Variants in GPC6 observed in about 807,000 individuals in gnomAD.
GPC6 encodes glypican 6.
GPC6 carries 14 observed loss-of-function variants against 55.2 expected under a neutral mutation model. That is an observed-to-expected ratio of 0.25 (90% CI 0.17 to 0.40). The LOEUF (loss-of-function observed/expected upper bound fraction) is 0.40, where lower values mean the gene tolerates loss of function less well. Among genes scored for constraint, GPC6 ranks in the 10% least tolerant of loss-of-function variants. The probability of loss-of-function intolerance (pLI) is 1.00; values close to 1 mark genes in which losing one functional copy is unlikely to be tolerated. For missense variants in GPC6, 641 were observed against 708.5 expected, an observed-to-expected ratio of 0.90 and a Z score of 1.08; for synonymous variants, 278 against 259.6, an observed-to-expected ratio of 1.07 and a Z score of -0.68.
intron 1 of GPC6, among the ~76,000 whole-genome samples, chr13:93,324,933 T>G (rs1879601726): frequency 6.6e-6 from 1 of 152,016 alleles, no homozygotes; most frequent in African/African-American, 2.4e-5. Context: ...CAAAAGTGTT[T>G]TTTACTTTTT....
intron 4 of GPC6, among the ~76,000 whole-genome samples, chr13:94,284,649 A>T (rs1892480128): frequency 6.6e-6 from 1 of 151,906 alleles, no homozygotes; most frequent in Non-Finnish European, 1.5e-5. Flanking sequence ...TAATCAGTGC[A>T]TCCATGTTAT....
At chr13:93,999,765 A>G (rs1354251803) in intron 3 of GPC6, among the ~76,000 whole-genome samples, 1 of 152,198 alleles carries the variant, frequency 6.6e-6, no homozygotes, top group Non-Finnish European at 1.5e-5. Flanking sequence ...GATATTTTTA[A>G]TCACCATAAT....
rs570901191 is a variant in GPC6, at chr13:93,715,131, C to G, written c.320-115023C>G. ...GAAACTAGTTCTGCTGAATTTCTAT[C>G]TCAGTACTACCAAAAAGACACATCC... On this transcript the variant is annotated intron_variant, in intron 2 of 8. Coordinates refer to ENST00000377047, the MANE Select transcript of GPC6 (RefSeq NM_005708.5). Among the ~76,000 whole-genome samples the G allele has an allele frequency of 5.3e-5, 8 of 151,630 alleles. No homozygotes were observed. In the East Asian group the frequency reaches 1.6e-3, roughly 30 times the overall value.
At chr13:94,008,995 AT>A (rs1882133721) in intron 3 of GPC6, among the ~76,000 whole-genome samples, 2 of 152,190 alleles carry the variant, frequency 1.3e-5, no homozygotes, top group Non-Finnish European at 1.5e-5. Context: ...TTTCTGTTTA[AT>A]TTCCATGATT....
intron 1 of GPC6, among the ~76,000 whole-genome samples, chr13:93,420,383 T>C (rs78057997): frequency 0.02 from 3,048 of 152,144 alleles, 118 homozygotes; most frequent in African/African-American, 0.069. Context: ...GGGAAGGAGG[T>C]GTCCATGCTG....
chr13:93,569,948 A>G (rs1364342227), intron 2 of GPC6, among the ~76,000 whole-genome samples: 1 of 152,152 alleles, frequency 6.6e-6, no homozygotes, highest in African/African-American at 2.4e-5. Context: ...AGGACTACCC[A>G]TGATATTAAT....
chr13:94,138,779 A>G (rs748527526), intron 4 of GPC6, among the ~76,000 whole-genome samples: 46 of 152,204 alleles, frequency 3.0e-4, no homozygotes, highest in Non-Finnish European at 5.1e-4. Context: ...GCCTGTAACA[A>G]TGACAATAGC....
Position 94,079,377 on chromosome 13 carries a change from A to T in GPC6, c.877+51483A>T, listed in dbSNP as rs147023103. Among the ~76,000 whole-genome samples, 25 of 152,182 alleles carry T rather than the reference A, an allele frequency of 1.6e-4. 1 individual carries two copies. Among genetic ancestry groups the T allele is most frequent in the African/African-American group, 5.3e-4 (22 of 41,554 alleles). ...ACACAGTGATATTTCAGAGATTTTT[A>T]ATAAGATAGTTTGAAGTGTGAGATA... On this transcript the variant is annotated intron_variant, in intron 4 of 8. Coordinates refer to ENST00000377047, the MANE Select transcript of GPC6 (RefSeq NM_005708.5).
chr13:93,454,076 A>C (rs1014622501), intron 1 of GPC6, among the ~76,000 whole-genome samples: 1 of 152,158 alleles, frequency 6.6e-6, no homozygotes, highest in Non-Finnish European at 1.5e-5. Context: ...CAGAGTATCC[A>C]CACAAAGGTT....
intron 2 of GPC6, among the ~76,000 whole-genome samples, chr13:93,764,270 C>A (rs990710216): frequency 9.2e-5 from 14 of 151,906 alleles, no homozygotes; most frequent in Non-Finnish European, 1.9e-4. Context: ...CTACAAAATG[C>A]TACCTTTCAT....
intron 3 of GPC6, among the ~76,000 whole-genome samples, chr13:93,866,484 A>G (rs1220775646): frequency 6.6e-6 from 1 of 151,814 alleles, no homozygotes; most frequent in African/African-American, 2.4e-5. Flanking sequence ...CCCATCAGTG[A>G]TAGACTGAAA....
intron 1 of GPC6, among the ~76,000 whole-genome samples, chr13:93,341,370 G>A (rs1168545712): frequency 6.6e-6 from 1 of 152,194 alleles, no homozygotes; most frequent in Non-Finnish European, 1.5e-5. Context: ...CACCAGCAGT[G>A]TTTAAGTGTT....
chr13:93,917,602 A>G (rs1877355718), intron 3 of GPC6, among the ~76,000 whole-genome samples: 1 of 152,208 alleles, frequency 6.6e-6, no homozygotes, highest in African/African-American at 2.4e-5. Flanking sequence ...TGGAGCAAAG[A>G]GAACCTGAAA....
intron 3 of GPC6, among the ~76,000 whole-genome samples, chr13:93,928,988 G>T (rs1200266969): frequency 6.6e-6 from 1 of 152,052 alleles, no homozygotes. Context: ...ACCTTATCCT[G>T]GGTGTTACCT....
In GPC6 at chr13:94,191,915, A is replaced by C. The variant is rs146310985; in HGVS notation, c.878-94434A>C. 6.6e-5 allele frequency among the ~76,000 whole-genome samples: 10 copies of C among 152,334 alleles called. No individual in the cohort carries two copies. In the East Asian group the frequency reaches 1.9e-3, roughly 29 times the overall value. ...CTAAGTTTCCTGGTGTATAGAGAAG[A>C]AGCTTGTGTGCTGGATTCATATGAA... On this transcript the variant is annotated intron_variant, in intron 4 of 8. Transcript: ENST00000377047.
intron 3 of GPC6, among the ~76,000 whole-genome samples, chr13:93,840,219 G>C (rs996041900): frequency 1.3e-5 from 2 of 152,108 alleles, no homozygotes; most frequent in Non-Finnish European, 2.9e-5. Flanking sequence ...AAGCAAAGAA[G>C]AAAGAAAATC....
intron 5 of GPC6, among the ~76,000 whole-genome samples, chr13:94,288,835 T>TATATAATAAATATATATATATTTGTTAC: frequency 8.8e-6 from 1 of 113,288 alleles, no homozygotes. Context: ...ATATTTGTTA[T>TATATAATAAATATATATATATTTGTTAC]ATATAACAAA....
At chr13:94,328,378 C>T (rs1310656437) in intron 6 of GPC6, among the ~76,000 whole-genome samples, 1 of 152,236 alleles carries the variant, frequency 6.6e-6, no homozygotes, top group African/African-American at 2.4e-5. Flanking sequence ...CTTAATTAGA[C>T]ATGTAAAATG....
chr13:93,424,714 TGTGTGAGAGAGAGG>T (rs1877058388), intron 1 of GPC6, among the ~76,000 whole-genome samples: 1 of 152,004 alleles, frequency 6.6e-6, no homozygotes, highest in Non-Finnish European at 1.5e-5. Context: ...AGAAAAAAAA[TGTGTGAGAGAGAGG>T]TTTTTGGTCT....
Sources: allele counts gnomAD v4.1 joint callset (sites outside exome capture counted in the v4.1 genomes callset), GRCh38; gene constraint gnomAD v4.1.1; transcripts MANE v1.5; gene names NCBI Gene and HGNC (gene_info 2026-07-23, HGNC 2026-07-21).